Variants in EPB41L2 observed in about 807,000 individuals in gnomAD.
EPB41L2 encodes erythrocyte membrane protein band 4.1 like 2.
EPB41L2 carries 43 observed loss-of-function variants against 113.0 expected under a neutral mutation model. The ratio of observed to expected loss-of-function variants is 0.38; its 90% CI spans 0.30 to 0.49. EPB41L2 has a LOEUF of 0.49. Ranked by LOEUF, EPB41L2 falls within the 20% of genes least tolerant of loss-of-function variation. The probability of loss-of-function intolerance (pLI) is 0.95; values close to 1 mark genes in which losing one functional copy is unlikely to be tolerated. For synonymous variants in EPB41L2, 442 were observed against 436.7 expected, an observed-to-expected ratio of 1.01 and a Z score of -0.15; for missense variants, 1,147 against 1,223.4, an observed-to-expected ratio of 0.94 and a Z score of 0.93.
chr6:130,867,628 TAA>T, intron 15 of EPB41L2, 47 bp from the exon 16 acceptor site: 1 of 1,604,910 alleles, frequency 6.2e-7, no homozygotes, highest in South Asian at 1.1e-5. Context: ...GGTAATAAAG[TAA>T]AAGTGTTTAA....
chr6:130,913,768 C>T (rs927590889), intron 4 of EPB41L2, among the ~76,000 whole-genome samples: 2 of 151,924 alleles, frequency 1.3e-5, no homozygotes, highest in African/African-American at 4.8e-5. Context: ...ATCTGCATTA[C>T]CAGTTACAAA....
chr6:130,871,338 T>A (rs1032241067), intron 14 of EPB41L2, among the ~76,000 whole-genome samples: 2 of 152,132 alleles, frequency 1.3e-5, no homozygotes, highest in Non-Finnish European at 2.9e-5. Flanking sequence ...CTGCCTATGA[T>A]CTAACTTAAA....
chr6:130,903,845 A>G (rs927043260), intron 6 of EPB41L2, among the ~76,000 whole-genome samples: 8 of 152,232 alleles, frequency 5.3e-5, no homozygotes, highest in Non-Finnish European at 1.0e-4. Context: ...TTGATTCACA[A>G]TGTTTCTTGG....
intron 1 of EPB41L2, among the ~76,000 whole-genome samples, chr6:130,974,717 CTTTTTTTTTT>C (rs71030723): frequency 4.6e-5 from 3 of 64,656 alleles, no homozygotes; most frequent in African/African-American, 6.2e-5. Flanking sequence ...CTTTTCTTTT[CTTTTTTTTTT>C]TTTTTTTTTT....
In EPB41L2 at chr6:130,863,648, T is replaced by C; in HGVS notation, c.2900A>G (p.Asp967Gly). 1 of 1,610,746 alleles carries C rather than the reference T, an allele frequency of 6.2e-7. No homozygotes were observed. The highest frequency in any genetic ancestry group is 8.5e-7 in the Non-Finnish European group (1 of 1,177,174). Residue 967 changes from aspartate (D) to glycine (G), a missense_variant, in exon 18 of 20, where the codon GAT becomes GGT. By Grantham distance (94) the Asp-to-Gly change is moderately conservative. Coordinates refer to ENST00000337057, the MANE Select transcript of EPB41L2 (RefSeq NM_001431.4). ...RIVITGDGDI[D>G]HDQALAQAIR... is the part of the protein sequence containing the mutation. ...ACTTAACTTATTTACCTGGTCATGA[T>C]CAATATCTCCATCTCCTGTGATCAC... is the stretch of plus-strand genomic sequence containing the variant.
At position 130,854,187 on chromosome 6, in the gene EPB41L2, C is replaced by A. The variant is rs575942615; in HGVS notation, c.*5+3944G>T. ...TCCTTCAGAGGGCTGATCACATTTA[C>A]ATTTTGTTCATTTGTTAATATTCAC... On this transcript the variant is annotated intron_variant, in intron 19 of 19. Coordinates refer to ENST00000337057, the MANE Select transcript of EPB41L2 (RefSeq NM_001431.4). 2.6e-5 allele frequency among the ~76,000 whole-genome samples: 4 copies of A among 152,244 alleles called. No homozygotes were observed. The East Asian group carries it at 7.7e-4, about 29-fold the overall frequency.
At chr6:130,947,804 G>A (rs527636425) in intron 3 of EPB41L2, among the ~76,000 whole-genome samples, 5 of 152,226 alleles carry the variant, frequency 3.3e-5, no homozygotes, top group South Asian at 2.1e-4. Flanking sequence ...AGCAAGCAAC[G>A]GGAAAATCAA....
chr6:130,853,743 G>C (rs1582672033), intron 19 of EPB41L2, among the ~76,000 whole-genome samples: 1 of 152,156 alleles, frequency 6.6e-6, no homozygotes, highest in East Asian at 1.9e-4. Context: ...CTACTCCAAA[G>C]GGCAAGATCA....
intron 16 of EPB41L2, 52 bp downstream of exon 16, chr6:130,867,407 A>G: frequency 6.3e-7 from 1 of 1,583,796 alleles, no homozygotes; most frequent in Non-Finnish European, 8.6e-7. Context: ...GAAAACATAG[A>G]TACACTAAGG....
intron 1 of EPB41L2, among the ~76,000 whole-genome samples, chr6:131,027,266 C>T (rs1419704259): frequency 6.6e-6 from 1 of 152,036 alleles, no homozygotes; most frequent in African/African-American, 2.4e-5. Context: ...AAGCCAGAAC[C>T]ATCAGGTATA....
chr6:130,924,500 T>A (rs1242560889), intron 4 of EPB41L2, among the ~76,000 whole-genome samples: 1 of 152,054 alleles, frequency 6.6e-6, no homozygotes, highest in Admixed American at 6.6e-5. Context: ...TGCCTCAGCA[T>A]CCCAAGTAGC....
chr6:130,856,673 T>C (rs1206389593), intron 19 of EPB41L2, among the ~76,000 whole-genome samples: 1 of 152,230 alleles, frequency 6.6e-6, no homozygotes, highest in African/African-American at 2.4e-5. Context: ...ACCCAGCCAT[T>C]CCTGTGGGTT....
chr6:130,850,632 A>G (rs1296245057), intron 19 of EPB41L2, among the ~76,000 whole-genome samples: 1 of 152,198 alleles, frequency 6.6e-6, no homozygotes, highest in African/African-American at 2.4e-5. Context: ...TATCTCTGGG[A>G]GCATGGGACT....
chr6:131,029,544 A>G (rs963557805), intron 1 of EPB41L2, among the ~76,000 whole-genome samples: 3 of 152,230 alleles, frequency 2.0e-5, no homozygotes, highest in African/African-American at 7.2e-5. Flanking sequence ...AAACACGCAG[A>G]AAGGATTCAA....
chr6:131,056,824 T>C (rs775047191), intron 1 of EPB41L2, among the ~76,000 whole-genome samples: 1 of 152,348 alleles, frequency 6.6e-6, no homozygotes, highest in African/African-American at 2.4e-5. Context: ...CAGCATCAAA[T>C]AGAGTGGACA....
At chr6:131,029,461 T>C (rs760927351) in intron 1 of EPB41L2, among the ~76,000 whole-genome samples, 2 of 146,748 alleles carry the variant, frequency 1.4e-5, no homozygotes, top group South Asian at 2.2e-4. Flanking sequence ...CCTGGCTAAA[T>C]AGCACATTAA....
chr6:130,843,295 ATAAACT>A (rs1562272664), intron 19 of EPB41L2, among the ~76,000 whole-genome samples: 2 of 152,198 alleles, frequency 1.3e-5, no homozygotes, highest in Non-Finnish European at 2.9e-5. Context: ...TCTGTGAGAA[ATAAACT>A]TAATATCTGA....
At chr6:130,848,193 TCTCTCTCA>T (rs1163033113) in intron 19 of EPB41L2, among the ~76,000 whole-genome samples, 19 of 111,672 alleles carry the variant, frequency 1.7e-4, no homozygotes, top group African/African-American at 8.9e-4. Flanking sequence ...TCTCTCTCTC[TCTCTCTCA>T]CACACACACA....
chr6:130,869,505 A>C (rs539337583), intron 15 of EPB41L2, 58 bp downstream of exon 15: 1 of 1,468,848 alleles, frequency 6.8e-7, no homozygotes, highest in South Asian at 1.3e-5. Context: ...GAAAGGCAGG[A>C]GTTCCCCATC....
Sources: allele counts gnomAD v4.1 joint callset (sites outside exome capture counted in the v4.1 genomes callset), GRCh38; gene constraint gnomAD v4.1.1; transcripts MANE v1.5; gene names NCBI Gene and HGNC (gene_info 2026-07-23, HGNC 2026-07-21).